BRDT: variants seen among roughly 807,000 people sequenced by gnomAD.
BRDT encodes the protein bromodomain testis associated, also known as bromodomain testis-specific protein.
In BRDT, 77 loss-of-function variants were observed where a neutral mutation model predicts 113.9. The observed-to-expected ratio is 0.68, with a 90% CI of 0.56 to 0.82. The LOEUF is 0.82. Among genes scored for constraint, BRDT ranks in the 40% least tolerant of loss-of-function variants. The pLI is 0.00. For synonymous variants in BRDT, 358 were observed against 366.5 expected (o/e 0.98, Z 0.26); for missense variants, 1,027 against 1,105.4 (o/e 0.93, Z 1.01).
intron 16 of BRDT, among the ~76,000 whole-genome samples, chr1:92,003,843 C>T (rs531449105): frequency 1.3e-5 from 2 of 152,120 alleles, no homozygotes; most frequent in South Asian, 2.1e-4. Context: ...ATTTTTAAAA[C>T]GTGGCTATTA....
Position 91,977,258 on chromosome 1 carries a change from G to C in BRDT, c.834G>C (p.Glu278Asp), listed in dbSNP as rs1272984401. ...KVTEQLRHCS[E>D]ILKEMLAKKH... Reference sequence around the variant, plus strand: ...CTGAACAATTAAGGCACTGTAGTGAGATTCTTAAAGAAATGCTTGCAAAGA... The same window carrying C: ...CTGAACAATTAAGGCACTGTAGTGACATTCTTAAAGAAATGCTTGCAAAGA... Residue 278 changes from glutamate to aspartate, a missense_variant, in exon 6 of 19, where the codon GAG becomes GAC. Transcript: ENST00000399546. 3 of 1,613,930 alleles carry C rather than the reference G, an allele frequency of 1.9e-6. No individual in the cohort carries two copies. Among genetic ancestry groups the C allele is most frequent in the Non-Finnish European group, 2.5e-6 (3 of 1,179,996 alleles).
intron 18 of BRDT, among the ~76,000 whole-genome samples, chr1:92,006,176 TG>T (rs141604682): frequency 0.012 from 1,774 of 152,324 alleles, 32 homozygotes; most frequent in African/African-American, 0.041. Flanking sequence ...ATATTCTGTG[TG>T]CACATGAAGA....
At chr1:91,985,874 G>A (rs1282208709) in intron 12 of BRDT, among the ~76,000 whole-genome samples, 2 of 151,818 alleles carry the variant, frequency 1.3e-5, no homozygotes, top group Non-Finnish European at 2.9e-5. Context: ...TCCTGACCTC[G>A]TGATCCGCCC....
intron 3 of BRDT, among the ~76,000 whole-genome samples, chr1:91,967,813 G>A (rs1302698202): frequency 6.6e-6 from 1 of 152,154 alleles, no homozygotes. Context: ...GATTACAGGC[G>A]TGAGCCACCA....
In BRDT at chr1:92,014,240, A is replaced by G. The variant is rs988578401; in HGVS notation, c.2810A>G (p.Asp937Gly). Residue 937 changes from aspartate to glycine, a missense_variant, in exon 19 of 19, where the codon GAC becomes GGC. Physicochemically the swap from Asp to Gly is moderately conservative, Grantham distance 94. Coordinates refer to ENST00000399546, the MANE Select transcript of BRDT (RefSeq NM_207189.4). ...ACCATTGATATGACCCTTCAAAGTG[A>G]CATTATGACAATGTTTGAAAACAAC... is the stretch of plus-strand genomic sequence containing the variant. ...VGTIDMTLQS[D>G]IMTMFENNFD The G allele has an allele frequency of 3.1e-6, 5 of 1,592,548 alleles. No homozygotes were observed. Among genetic ancestry groups the G allele is most frequent in the Non-Finnish European group, 4.3e-6 (5 of 1,173,898 alleles).
At chr1:91,953,742 A>G (rs989477077) in intron 1 of BRDT, among the ~76,000 whole-genome samples, 6 of 152,258 alleles carry the variant, frequency 3.9e-5, no homozygotes, top group East Asian at 1.9e-4. Flanking sequence ...TTTTCAGGCA[A>G]TTTATTCATT....
At chr1:91,971,754 A>T (rs1353015512) in intron 4 of BRDT, among the ~76,000 whole-genome samples, 2 of 152,196 alleles carry the variant, frequency 1.3e-5, no homozygotes, top group African/African-American at 4.8e-5. Context: ...TTGAAAGAAC[A>T]TTCCAGCTAG....
chr1:91,980,944 A>G lies in BRDT; in HGVS notation c.1516A>G (p.Asn506Asp). 1 of 1,613,106 alleles carries G rather than the reference A, an allele frequency of 6.2e-7. No homozygotes were observed. Among genetic ancestry groups the G allele is most frequent in the Non-Finnish European group, 8.5e-7 (1 of 1,179,790 alleles). Residue 506 changes from asparagine (N) to aspartate (D), a missense_variant, in exon 10 of 19, where the codon AAT (asparagine) becomes GAT (aspartate). Asn to Asp is a conservative substitution (Grantham distance 23, BLOSUM62 1). Transcript: ENST00000399546. ...FIGLKSEDED[N>D]AKPMNYDEKR... is the part of the protein sequence containing the mutation. The stretch of plus-strand genomic sequence containing the variant: ...TGGTCTAAAATCTGAAGATGAAGAT[A>G]ATGCTAAACCTATGAACTATGATGA...
In BRDT at chr1:91,990,443, C is replaced by G. The variant is rs1310717426; in HGVS notation, c.2003-741C>G. ...ACATCCCCTTCTCTTATAGTAAATT[C>G]TTTATTTTTTAAATTAAGCCTCTTA... On this transcript the variant is annotated intron_variant, in intron 12 of 18. Transcript: ENST00000399546. Among the ~76,000 whole-genome samples the G allele has an allele frequency of 2.0e-5, 3 of 152,168 alleles. No individual in the cohort carries two copies. The East Asian group carries it at 5.8e-4, about 29-fold the overall frequency.
chr1:91,998,832 T>C (rs941874423), intron 15 of BRDT, among the ~76,000 whole-genome samples: 1 of 152,178 alleles, frequency 6.6e-6, no homozygotes, highest in African/African-American at 2.4e-5. Flanking sequence ...GGAAGCAACA[T>C]GAATGTGAAG....
intron 12 of BRDT, among the ~76,000 whole-genome samples, chr1:91,990,931 G>A (rs1308841164): frequency 6.6e-6 from 1 of 152,102 alleles, no homozygotes; most frequent in Admixed American, 6.5e-5. Context: ...CTGAGTAGCT[G>A]GGACTACAGG....
At position 91,976,948 on chromosome 1, in the gene BRDT, CAAT is replaced by C. The variant is rs976366435; in HGVS notation, c.619-91_619-89del. ...AATTATCTATATGAAGACTTGGTGC[CAAT>C]AATCTTTCCCTTTTTTTCTTTTAAC... On this transcript the variant is annotated intron_variant, in intron 5 of 18. Transcript: ENST00000399546. 7.4e-6 allele frequency: 7 copies of C among 952,236 alleles called. No individual in the cohort carries two copies. The South Asian group carries it at 8.2e-5, about 11-fold the overall frequency. 59.0% of individuals were successfully genotyped at this position (952,236 alleles called of 1,614,324 possible). A position where few individuals can be genotyped will look rare whatever the true frequency, so the allele number is the denominator to read the frequency against.
chr1:92,010,155 T>A (rs1193533834), intron 18 of BRDT, among the ~76,000 whole-genome samples: 1 of 152,136 alleles, frequency 6.6e-6, no homozygotes, highest in Non-Finnish European at 1.5e-5. Flanking sequence ...CTTGGAAAAA[T>A]TTTGGCCATT....
At chr1:92,005,413 TA>T in intron 18 of BRDT, 114 bp downstream of exon 18, 1 of 968,802 alleles carries the variant, frequency 1.0e-6, no homozygotes, top group Non-Finnish European at 1.4e-6. Flanking sequence ...ACAGTGGACT[TA>T]CCTCTTTAGT....
chr1:91,965,059 C>T (rs1226183132), intron 3 of BRDT, among the ~76,000 whole-genome samples: 1 of 151,902 alleles, frequency 6.6e-6, no homozygotes, highest in East Asian at 1.9e-4. Flanking sequence ...CAGGCACCCA[C>T]CAACCTGCCT....
intron 1 of BRDT, among the ~76,000 whole-genome samples, chr1:91,955,942 G>A (rs1681717590): frequency 6.6e-6 from 1 of 152,160 alleles, no homozygotes; most frequent in South Asian, 2.1e-4. Flanking sequence ...TGTATTTAAG[G>A]CTGTTATTAA....
chr1:91,983,832 C>T (rs994229892), intron 12 of BRDT, among the ~76,000 whole-genome samples: 1 of 151,964 alleles, frequency 6.6e-6, no homozygotes, highest in Non-Finnish European at 1.5e-5. Flanking sequence ...CAAGTGGATG[C>T]CACCACACCC....
At position 91,988,249 on chromosome 1, in the gene BRDT, T is replaced by TATATGCCA. The variant is rs1305407619; in HGVS notation, c.2003-2934_2003-2927dup. Among the ~76,000 whole-genome samples the TATATGCCA allele has an allele frequency of 4.6e-5, 7 of 152,296 alleles. No individual in the cohort carries two copies. In the East Asian group the frequency reaches 1.2e-3, roughly 25 times the overall value. ...GAAATTAGAACATTTATAATTAGAA[T>TATATGCCA]ATATGCCACAGTATGCATTTGTTTA... On this transcript the variant is annotated intron_variant, in intron 12 of 18. Transcript: ENST00000399546.
chr1:91,995,327 G>A (rs1456547391), intron 15 of BRDT, among the ~76,000 whole-genome samples: 1 of 152,158 alleles, frequency 6.6e-6, no homozygotes, highest in East Asian at 1.9e-4. Flanking sequence ...CTGTTTTGCT[G>A]CAACACAGAT....
Sources: gnomAD v4.1 joint callset for allele counts (sites outside exome capture counted in the v4.1 genomes callset) on GRCh38, gnomAD v4.1.1 for gene constraint, MANE v1.5 for transcripts, NCBI Gene and HGNC (gene_info 2026-07-23, HGNC 2026-07-21) for gene names.